Variants in MMP17 observed in about 807,000 individuals in gnomAD.
MMP17 encodes matrix metalloproteinase-17.
A neutral mutation model predicts 49.1 loss-of-function variants in MMP17; 54 were observed. The observed-to-expected ratio is 1.10, with a 90% CI of 0.88 to 1.38. The LOEUF (loss-of-function observed/expected upper bound fraction) is 1.38, where lower values mean the gene tolerates loss of function less well. Among genes scored for constraint, MMP17 ranks in the 40% most tolerant of loss-of-function variants. MMP17 has a pLI of 0.00. For synonymous variants in MMP17, 397 were observed against 383.1 expected (o/e 1.04, Z -0.42); for missense variants, 837 against 853.7 (o/e 0.98, Z 0.24).
At chr12:131,850,316 G>A (rs970939249) in intron 9 of MMP17, among the ~76,000 whole-genome samples, 4 of 152,012 alleles carry the variant, frequency 2.6e-5, no homozygotes, top group African/African-American at 9.7e-5. Flanking sequence ...CCCCAGCCAC[G>A]CTCCTGCCCC....
intron 1 of MMP17, 115 bp from the exon 2 acceptor site, chr12:131,838,080 C>A: frequency 1.5e-6 from 2 of 1,318,394 alleles, no homozygotes; most frequent in Non-Finnish European, 1.0e-6. Flanking sequence ...GCCTTGTGGG[C>A]AGATAGGGGG....
At chr12:131,844,706 CA>C in intron 6 of MMP17, 1 of 231,316 alleles carries the variant, frequency 4.3e-6, no homozygotes, top group Admixed American at 5.2e-5. Flanking sequence ...GGTGGACATG[CA>C]CCTTGTCCCT....
intron 1 of MMP17, among the ~76,000 whole-genome samples, chr12:131,830,191 G>A (rs1227621343): frequency 1.3e-5 from 2 of 152,248 alleles, no homozygotes; most frequent in Non-Finnish European, 1.5e-5. Context: ...GACCCAGTGC[G>A]GTTTGGAAGT....
chr12:131,843,937 G>A, intron 5 of MMP17, 60 bp from the exon 6 acceptor site: 1 of 1,246,872 alleles, frequency 8.0e-7, no homozygotes, highest in Non-Finnish European at 1.1e-6. Context: ...AGGGCTGGTG[G>A]GATGTGGGGG....
At chr12:131,835,053 G>T (rs556271214) in intron 1 of MMP17, among the ~76,000 whole-genome samples, 1 of 152,300 alleles carries the variant, frequency 6.6e-6, no homozygotes, top group African/African-American at 2.4e-5. Flanking sequence ...GGCTTGTTCT[G>T]TTGGGGTGTC....
At chr12:131,843,857 C>G (rs1027410808) in intron 5 of MMP17, 140 bp from the exon 6 acceptor site, 2 of 620,940 alleles carry the variant, frequency 3.2e-6, no homozygotes, top group Admixed American at 3.2e-5. Flanking sequence ...GCAGCAGTCT[C>G]GCTGATCGCA....
rs985830518 is a variant in MMP17, at chr12:131,846,902, C to T, written c.1204+1453C>T. On this transcript the variant is annotated intron_variant, in intron 8 of 9. Coordinates refer to ENST00000360564, the MANE Select transcript of MMP17 (RefSeq NM_016155.7). This position sits in a 1 kb window ranked among gnomAD's most constrained non-coding sequence, Gnocchi z 4.6. ...ACTTCCTGTAACTCCATCGCCTGCC[C>T]GGCCCTCAGCATTTGACTCCGTCAC... 2.6e-5 allele frequency among the ~76,000 whole-genome samples: 4 copies of T among 152,078 alleles called. No individual in the cohort carries two copies. The highest frequency in any genetic ancestry group is 1.9e-4 in the East Asian group (1 of 5,180).
intron 3 of MMP17, 112 bp downstream of exon 3, chr12:131,838,853 G>T (rs1887231490): frequency 1.5e-6 from 2 of 1,331,184 alleles, no homozygotes; most frequent in South Asian, 1.4e-5. Context: ...GGGGAACGGG[G>T]TCTCCGTGGA....
chr12:131,830,843 C>CCT (rs1566079977), intron 1 of MMP17, among the ~76,000 whole-genome samples: 6 of 152,192 alleles, frequency 3.9e-5, no homozygotes, highest in Non-Finnish European at 1.5e-5. Context: ...TCAGGAGCCC[C>CCT]CGGCGGGGAC....
chr12:131,836,232 G>A (rs1887077786), intron 1 of MMP17, among the ~76,000 whole-genome samples: 2 of 152,296 alleles, frequency 1.3e-5, no homozygotes, highest in Non-Finnish European at 2.9e-5. Context: ...AGTGCTTCCT[G>A]GAAGGGGGAT....
chr12:131,831,028 C>A (rs367780844), intron 1 of MMP17, among the ~76,000 whole-genome samples: 3 of 152,212 alleles, frequency 2.0e-5, no homozygotes, highest in South Asian at 2.1e-4. Flanking sequence ...CGCGGCTCTC[C>A]GTGCCTTATT....
At position 131,851,100 on chromosome 12, in the gene MMP17, A is replaced by C; in HGVS notation, c.1638A>C (p.Pro546=). 6.2e-7 allele frequency: 1 copy of C among 1,600,766 alleles called. No individual in the cohort carries two copies. Among genetic ancestry groups the C allele is most frequent in the Non-Finnish European group, 8.5e-7 (1 of 1,174,442 alleles). The change falls in exon 10 of 10, where the codon CCA becomes CCC. Residue 546 remains proline (P), a synonymous_variant. Transcript: ENST00000360564. ...VDAAEGPRAP[P]GQHDQSRSED... The stretch of plus-strand genomic sequence containing the variant: ...CGGCAGAGGGGCCCCGCGCCCCTCC[A>C]GGACAACATGACCAGAGCCGCTCGG...
chr12:131,831,788 G>A (rs1009915002), intron 1 of MMP17, among the ~76,000 whole-genome samples: 5 of 127,316 alleles, frequency 3.9e-5, no homozygotes, highest in African/African-American at 6.3e-5. Flanking sequence ...AGGTGCTTCC[G>A]ATGGTTCAGG....
rs534305928 is a variant in MMP17, at chr12:131,833,746, G to A, written c.160-4449G>A. Reference sequence around the variant, plus strand: ...TGGGTCACAGATGAGTATGGGGGTCGGGCCCTCATTCATCTGCAGGGGCCA... The same window carrying A: ...TGGGTCACAGATGAGTATGGGGGTCAGGCCCTCATTCATCTGCAGGGGCCA... On this transcript the variant is annotated intron_variant, in intron 1 of 9. Coordinates refer to ENST00000360564, the MANE Select transcript of MMP17 (RefSeq NM_016155.7). Among the ~76,000 whole-genome samples, 22 of 152,302 alleles carry A rather than the reference G, an allele frequency of 1.4e-4. No individual in the cohort carries two copies. In the South Asian group the frequency reaches 3.7e-3, roughly 26 times the overall value.
chr12:131,843,865 G>A (rs1216799710), intron 5 of MMP17, 132 bp from the exon 6 acceptor site: 4 of 639,274 alleles, frequency 6.3e-6, no homozygotes, highest in South Asian at 2.0e-5. Context: ...CTCGCTGATC[G>A]CAGCTGCGCC....
intron 6 of MMP17, chr12:131,844,651 G>T (rs185941047): frequency 9.0e-6 from 2 of 222,068 alleles, no homozygotes; most frequent in South Asian, 1.5e-4. Context: ...TAACCCTCCC[G>T]GTTAAAGCTG....
chr12:131,829,395 C>A (rs770981106), intron 1 of MMP17, among the ~76,000 whole-genome samples: 2 of 152,224 alleles, frequency 1.3e-5, no homozygotes, highest in Non-Finnish European at 2.9e-5. Flanking sequence ...CCCTGTTCCG[C>A]AGCCGGGACT....
Position 131,850,977 on chromosome 12 carries a change from G to A in MMP17, c.1515G>A (p.Glu505=). The A allele has an allele frequency of 6.4e-7, 1 of 1,554,950 alleles. No individual in the cohort carries two copies. The highest frequency in any genetic ancestry group is 1.2e-5 in the South Asian group (1 of 82,706). The part of the protein sequence containing the change: ...GQEYWKVLDG[E]LEVAPGYPQS... ...AGTACTGGAAAGTGCTGGATGGCGAGCTGGAGGTGGCACCCGGGTACCCAC... is the reference window on the plus strand; with the variant it reads ...AGTACTGGAAAGTGCTGGATGGCGAACTGGAGGTGGCACCCGGGTACCCAC... The change falls in exon 10 of 10, where the codon GAG becomes GAA. Residue 505 remains glutamate (E), a synonymous_variant. Transcript: ENST00000360564.
chr12:131,843,527 A>G (rs1887534477), intron 5 of MMP17, among the ~76,000 whole-genome samples: 1 of 152,198 alleles, frequency 6.6e-6, no homozygotes, highest in African/African-American at 2.4e-5. Context: ...GAATACAGGC[A>G]CGAACCACTG....
Sources: gnomAD v4.1 joint callset for allele counts (sites outside exome capture counted in the v4.1 genomes callset) on GRCh38, gnomAD v4.1.1 for gene constraint, Gnocchi (gnomAD v3.1) non-coding constraint, MANE v1.5 for transcripts, NCBI Gene and HGNC (gene_info 2026-07-23, HGNC 2026-07-21) for gene names.